The following FHOD3 variants were observed in gnomAD, a reference collection of about 807,000 sequenced individuals.
The protein encoded by FHOD3 is formin homology 2 domain containing 3.
In FHOD3, 90 loss-of-function variants were observed where a neutral mutation model predicts 173.0. The observed-to-expected ratio is 0.52, with a 90% CI of 0.44 to 0.62. The LOEUF (loss-of-function observed/expected upper bound fraction) is 0.62, where lower values mean the gene tolerates loss of function less well. Ranked by LOEUF, FHOD3 falls within the 20% of genes least tolerant of loss-of-function variation. The pLI is 0.00. For synonymous variants in FHOD3, 828 were observed against 823.0 expected (o/e 1.01, Z -0.10); for missense variants, 1,945 against 2,034.7 (o/e 0.96, Z 0.85).
chr18:36,540,138 G>A (rs2057149335), intron 5 of FHOD3, among the ~76,000 whole-genome samples: 1 of 152,156 alleles, frequency 6.6e-6, no homozygotes, highest in African/African-American at 2.4e-5. Context: ...GGTTTGTAGG[G>A]CCTTTAAGAG....
chr18:36,581,746 A>G (rs2058861214), intron 6 of FHOD3, among the ~76,000 whole-genome samples: 1 of 152,108 alleles, frequency 6.6e-6, no homozygotes, highest in African/African-American at 2.4e-5. Flanking sequence ...TAGAGAACCT[A>G]TGAGCCCACC....
intron 3 of FHOD3, among the ~76,000 whole-genome samples, chr18:36,488,401 G>T (rs1388056949): frequency 6.6e-6 from 1 of 152,218 alleles, no homozygotes; most frequent in Non-Finnish European, 1.5e-5. Flanking sequence ...GAGTGATTGT[G>T]CTTTGGAGAG....
At chr18:36,744,229 C>T (rs368206434) in intron 23 of FHOD3, 36 bp downstream of exon 23, 43 of 1,582,310 alleles carry the variant, frequency 2.7e-5, no homozygotes, top group Admixed American at 3.8e-5. Context: ...GGCCTGGTCT[C>T]GCTGCAGCCA....
At chr18:36,610,958 A>G (rs2032614204) in intron 8 of FHOD3, among the ~76,000 whole-genome samples, 1 of 152,168 alleles carries the variant, frequency 6.6e-6, no homozygotes, top group African/African-American at 2.4e-5. Context: ...TATAAGATAA[A>G]GGGCTTGCAG....
rs570102116 is a variant in FHOD3 at position 36,592,216 on chromosome 18, C to T, written c.607-2571C>T. Among the ~76,000 whole-genome samples the T allele has an allele frequency of 6.9e-4, 105 of 152,174 alleles. 1 individual carries two copies. The highest frequency in any genetic ancestry group is 2.5e-3 in the African/African-American group (102 of 41,514). On this transcript the variant is annotated intron_variant, in intron 6 of 28. Coordinates refer to ENST00000590592, the MANE Select transcript of FHOD3 (RefSeq NM_001281740.3). ...CCTGGGCAACAGAACAAGACTCCAT[C>T]TCAAAAAAAATAAATAAATCAGGGT...
At chr18:36,631,873 A>G (rs1402081207) in intron 10 of FHOD3, among the ~76,000 whole-genome samples, 1 of 152,196 alleles carries the variant, frequency 6.6e-6, no homozygotes, top group Non-Finnish European at 1.5e-5. Context: ...TTATTATTGG[A>G]TCTATATTTT....
chr18:36,459,146 T>A (rs777298053), intron 3 of FHOD3, among the ~76,000 whole-genome samples: 59 of 8,594 alleles, frequency 6.9e-3, no homozygotes, highest in Admixed American at 0.043. Context: ...TAATGGGCAT[T>A]TTTATGGCCA....
chr18:36,584,168 C>T (rs932451458), intron 6 of FHOD3, among the ~76,000 whole-genome samples: 5 of 152,186 alleles, frequency 3.3e-5, no homozygotes, highest in Admixed American at 1.3e-4. Flanking sequence ...CTTCATTTTC[C>T]TCCCCTACCC....
At chr18:36,308,745 C>T (rs75790966) in intron 1 of FHOD3, among the ~76,000 whole-genome samples, 1 of 152,308 alleles carries the variant, frequency 6.6e-6, no homozygotes, top group African/African-American at 2.4e-5. Context: ...AGGACAGGGT[C>T]TGTTACATAG....
chr18:36,581,440 G>T (rs771137560), intron 6 of FHOD3, among the ~76,000 whole-genome samples: 2 of 152,182 alleles, frequency 1.3e-5, no homozygotes, highest in Non-Finnish European at 2.9e-5. Flanking sequence ...CCTCTTAGGG[G>T]TGCCTCAGGG....
At chr18:36,371,858 A>G (rs1274881150) in intron 2 of FHOD3, among the ~76,000 whole-genome samples, 1 of 152,036 alleles carries the variant, frequency 6.6e-6, no homozygotes, top group Non-Finnish European at 1.5e-5. Context: ...CTGCCACACT[A>G]CCTGCTGCCA....
At chr18:36,458,865 G>A (rs1056078420) in intron 3 of FHOD3, among the ~76,000 whole-genome samples, 2 of 152,004 alleles carry the variant, frequency 1.3e-5, no homozygotes, top group South Asian at 2.1e-4. Flanking sequence ...GGAACTTGGC[G>A]TATTTTTGAG....
chr18:36,595,694 G>A (rs889099443), intron 7 of FHOD3, among the ~76,000 whole-genome samples: 1 of 152,196 alleles, frequency 6.6e-6, no homozygotes, highest in Non-Finnish European at 1.5e-5. Flanking sequence ...AACACGTGGC[G>A]AAGAACGAGC....
chr18:36,521,408 A>G (rs905398450), intron 5 of FHOD3, among the ~76,000 whole-genome samples: 8 of 152,140 alleles, frequency 5.3e-5, no homozygotes, highest in Non-Finnish European at 1.0e-4. Flanking sequence ...TTTATACCCC[A>G]GTCAGTTCCT....
At chr18:36,679,682 G>A (rs2149387512) in intron 14 of FHOD3, among the ~76,000 whole-genome samples, 1 of 151,214 alleles carries the variant, frequency 6.6e-6, no homozygotes, top group African/African-American at 2.4e-5. Context: ...CCAATTATAT[G>A]GATTTTTTTC....
intron 9 of FHOD3, among the ~76,000 whole-genome samples, chr18:36,620,472 G>A (rs2033616355): frequency 6.6e-6 from 1 of 152,188 alleles, no homozygotes; most frequent in Non-Finnish European, 1.5e-5. Flanking sequence ...AGAGGGTGCT[G>A]CCTTGTGTCC....
intron 19 of FHOD3, 80 bp downstream of exon 19, chr18:36,718,795 T>G (rs1670077290): frequency 1.4e-5 from 21 of 1,517,070 alleles, no homozygotes; most frequent in Non-Finnish European, 1.8e-5. Flanking sequence ...AATACTATTT[T>G]GCATTGCTTT....
intron 5 of FHOD3, among the ~76,000 whole-genome samples, chr18:36,543,362 T>C (rs2057297231): frequency 6.6e-6 from 1 of 152,188 alleles, no homozygotes; most frequent in Non-Finnish European, 1.5e-5. Context: ...AAATCTTGAC[T>C]AATACATTCC....
intron 5 of FHOD3, among the ~76,000 whole-genome samples, chr18:36,516,846 C>A (rs2056011699): frequency 6.6e-6 from 1 of 152,184 alleles, no homozygotes; most frequent in East Asian, 1.9e-4. Flanking sequence ...ATGAAGCCAC[C>A]TGAGGAGCTC....
Sources: allele counts gnomAD v4.1 joint callset (sites outside exome capture counted in the v4.1 genomes callset), GRCh38; gene constraint gnomAD v4.1.1; transcripts MANE v1.5; gene names NCBI Gene and HGNC (gene_info 2026-07-23, HGNC 2026-07-21).